PTPRR: variants seen among roughly 807,000 people sequenced by gnomAD.
PTPRR encodes the protein receptor-type tyrosine-protein phosphatase R.
Under a neutral mutation model 77.2 loss-of-function variants are expected in PTPRR, and 38 were observed. The ratio of observed to expected loss-of-function variants is 0.49; its 90% CI spans 0.38 to 0.65. The LOEUF (loss-of-function observed/expected upper bound fraction) is 0.65. PTPRR is among the 30% of genes least tolerant of loss of function. The probability of loss-of-function intolerance (pLI) is 0.00; values close to 1 mark genes in which losing one functional copy is unlikely to be tolerated. For missense variants in PTPRR, 744 were observed against 799.2 expected, an observed-to-expected ratio of 0.93 and a Z score of 0.83; for synonymous variants, 299 against 283.1, an observed-to-expected ratio of 1.06 and a Z score of -0.57.
chr12:70,783,855 G>T lies in PTPRR; in HGVS notation c.358-19077C>A, dbSNP rs79358866. Among the ~76,000 whole-genome samples, 3 of 110,668 alleles carry T rather than the reference G, an allele frequency of 2.7e-5. No individual in the cohort carries two copies. In the East Asian group the frequency reaches 7.4e-4, roughly 27 times the overall value. The allele number at this position is 110,668 out of a possible 152,430, so 72.6% of individuals were successfully genotyped here. Reference sequence around the variant, plus strand: ...AAGTCTGGAGGGTCTAAGGCTGTGTGGGGGGGACGGGGGGGGGGGGCGGGG... The same window carrying T: ...AAGTCTGGAGGGTCTAAGGCTGTGTTGGGGGGACGGGGGGGGGGGGCGGGG... On this transcript the variant is annotated intron_variant, in intron 2 of 13. Transcript: ENST00000283228.
chr12:70,915,913 TAGAA>T (rs1249267781), intron 1 of PTPRR, among the ~76,000 whole-genome samples: 1 of 152,216 alleles, frequency 6.6e-6, no homozygotes, highest in Non-Finnish European at 1.5e-5. Context: ...ATTTAATCTT[TAGAA>T]AGATTTTATG....
At chr12:70,729,843 A>G (rs1284462097) in intron 6 of PTPRR, among the ~76,000 whole-genome samples, 1 of 151,886 alleles carries the variant, frequency 6.6e-6, no homozygotes, top group Non-Finnish European at 1.5e-5. Context: ...AAGAAAAAAA[A>G]AACCTGAGGA....
At chr12:70,662,635 T>G in intron 10 of PTPRR, 30 bp from the exon 11 acceptor site, 1 of 1,348,950 alleles carries the variant, frequency 7.4e-7, no homozygotes, top group Non-Finnish European at 1.1e-6. Flanking sequence ...ATACAGCAAA[T>G]ATTAATGGCT....
intron 10 of PTPRR, among the ~76,000 whole-genome samples, chr12:70,667,491 G>T (rs547270590): frequency 6.6e-6 from 1 of 152,260 alleles, no homozygotes; most frequent in African/African-American, 2.4e-5. Flanking sequence ...CCCATGAAAT[G>T]AAATTAGGCT....
At chr12:70,822,011 G>A (rs1592777004) in intron 2 of PTPRR, among the ~76,000 whole-genome samples, 1 of 152,346 alleles carries the variant, frequency 6.6e-6, no homozygotes, top group Non-Finnish European at 1.5e-5. Flanking sequence ...TGACATGTTT[G>A]ATTTCTGTGG....
At chr12:70,911,664 G>A (rs1447510545) in intron 1 of PTPRR, among the ~76,000 whole-genome samples, 1 of 146,648 alleles carries the variant, frequency 6.8e-6, no homozygotes. Flanking sequence ...ATATTTTCGA[G>A]CTTCATAGTC....
At chr12:70,712,746 T>C (rs572355373) in intron 6 of PTPRR, among the ~76,000 whole-genome samples, 1 of 151,972 alleles carries the variant, frequency 6.6e-6, no homozygotes, top group Non-Finnish European at 1.5e-5. Flanking sequence ...AAAAATGTTC[T>C]AAATTAGCAT....
intron 2 of PTPRR, among the ~76,000 whole-genome samples, chr12:70,830,649 A>G (rs1159756899): frequency 6.6e-6 from 1 of 152,220 alleles, no homozygotes; most frequent in Non-Finnish European, 1.5e-5. Context: ...GGACAACACC[A>G]TTGCCAAACC....
intron 1 of PTPRR, among the ~76,000 whole-genome samples, chr12:70,897,973 A>AG (rs1180679438): frequency 3.6e-5 from 5 of 140,534 alleles, no homozygotes; most frequent in Non-Finnish European, 7.7e-5. Flanking sequence ...GGACACAGGA[A>AG]GGGGAACATC....
chr12:70,746,762 G>A (rs1158188668), intron 5 of PTPRR, among the ~76,000 whole-genome samples: 1 of 151,742 alleles, frequency 6.6e-6, no homozygotes, highest in African/African-American at 2.4e-5. Flanking sequence ...TGTGATCATA[G>A]CTCACTGTAA....
At chr12:70,911,193 C>A (rs1893693868) in intron 1 of PTPRR, among the ~76,000 whole-genome samples, 1 of 152,172 alleles carries the variant, frequency 6.6e-6, no homozygotes, top group Non-Finnish European at 1.5e-5. Flanking sequence ...CTGGTGTCTG[C>A]AGAACCACAG....
chr12:70,847,715 T>C (rs1892508318), intron 2 of PTPRR, among the ~76,000 whole-genome samples: 1 of 152,164 alleles, frequency 6.6e-6, no homozygotes, highest in African/African-American at 2.4e-5. Flanking sequence ...ACAACCCTAA[T>C]GCTTAGAGAG....
intron 10 of PTPRR, among the ~76,000 whole-genome samples, chr12:70,674,380 C>A (rs1003263623): frequency 6.6e-6 from 1 of 152,010 alleles, no homozygotes; most frequent in Admixed American, 6.6e-5. Context: ...CATATTCATG[C>A]CTATAAACTT....
At chr12:70,807,081 G>A (rs1164750407) in intron 2 of PTPRR, among the ~76,000 whole-genome samples, 1 of 152,166 alleles carries the variant, frequency 6.6e-6, no homozygotes, top group Non-Finnish European at 1.5e-5. Context: ...TGCAGTAGAA[G>A]GGAACTCTTT....
Position 70,684,705 on chromosome 12 carries a change from C to G in PTPRR, c.1358G>C (p.Arg453Thr). ...LSTYINANYI[R>T]GYSGKEKAFI... is the part of the protein sequence containing the mutation. ...AGAAATTTGTACTTATTTACTTACC[C>G]TAATATAATTAGCATTAATGTAGGT... Residue 453 changes from arginine (R) to threonine (T), a missense_variant and splice_region_variant, in exon 9 of 14, where the codon AGG becomes ACG. By Grantham distance (71) the Arg-to-Thr change is moderately conservative. Coordinates refer to ENST00000283228, the MANE Select transcript of PTPRR (RefSeq NM_002849.4). 4 of 1,577,432 alleles carry G rather than the reference C, an allele frequency of 2.5e-6. No individual in the cohort carries two copies. The highest frequency in any genetic ancestry group is 2.2e-5 in the East Asian group (1 of 44,546).
chr12:70,835,098 T>A (rs996802374), intron 2 of PTPRR, among the ~76,000 whole-genome samples: 1 of 152,098 alleles, frequency 6.6e-6, no homozygotes, highest in Non-Finnish European at 1.5e-5. Flanking sequence ...GATAAATAAG[T>A]ACTTCTCTTC....
chr12:70,825,071 TC>T (rs1486240019), intron 2 of PTPRR, among the ~76,000 whole-genome samples: 1 of 152,058 alleles, frequency 6.6e-6, no homozygotes, highest in East Asian at 1.9e-4. Flanking sequence ...GATCACAAGG[TC>T]CGGAGTTCGA....
chr12:70,897,425 C>T (rs1893449860), intron 1 of PTPRR, among the ~76,000 whole-genome samples: 1 of 151,820 alleles, frequency 6.6e-6, no homozygotes. Flanking sequence ...CACTGGCCAT[C>T]AGAGAAATGC....
intron 13 of PTPRR, among the ~76,000 whole-genome samples, chr12:70,645,324 C>T (rs1886157941): frequency 6.6e-6 from 1 of 152,186 alleles, no homozygotes; most frequent in Admixed American, 6.5e-5. Context: ...TCAAGTTTTA[C>T]AAGGTTTAAA....
Sources: allele counts gnomAD v4.1 joint callset (sites outside exome capture counted in the v4.1 genomes callset), GRCh38; gene constraint gnomAD v4.1.1; transcripts MANE v1.5; gene names NCBI Gene and HGNC (gene_info 2026-07-23, HGNC 2026-07-21).